Variants in HMCN1 observed in about 807,000 individuals in gnomAD.
HMCN1 encodes hemicentin 1, also known as hemicentin-1.
HMCN1 carries 321 observed loss-of-function variants against 625.9 expected under a neutral mutation model. The observed-to-expected ratio is 0.51, with a 90% CI of 0.47 to 0.56. The LOEUF (loss-of-function observed/expected upper bound fraction) is 0.56, where lower values mean the gene tolerates loss of function less well. Ranked by LOEUF, HMCN1 falls within the 20% of genes least tolerant of loss-of-function variation. The pLI is 0.00. For synonymous variants in HMCN1, 2,425 were observed against 2,417.6 expected, an observed-to-expected ratio of 1.00 and a Z score of -0.09; for missense variants, 6,588 against 6,887.3, an observed-to-expected ratio of 0.96 and a Z score of 1.54.
chr1:185,822,055 G>T (rs1219136070), intron 1 of HMCN1, among the ~76,000 whole-genome samples: 1 of 152,084 alleles, frequency 6.6e-6, no homozygotes, highest in African/African-American at 2.4e-5. Context: ...GCCAGGGTTT[G>T]AGAGGAATGA....
At chr1:186,146,768 T>TCAG (rs1216623249) in intron 93 of HMCN1, among the ~76,000 whole-genome samples, 2 of 152,060 alleles carry the variant, frequency 1.3e-5, no homozygotes, top group Non-Finnish European at 2.9e-5. Flanking sequence ...GGTGTCAGCT[T>TCAG]CAGTTGATGC....
intron 40 of HMCN1, among the ~76,000 whole-genome samples, chr1:186,044,552 CAAG>C: frequency 6.6e-6 from 1 of 152,250 alleles, no homozygotes; most frequent in African/African-American, 2.4e-5. Flanking sequence ...GGTGAAGTAT[CAAG>C]CCTGAAACAA....
intron 9 of HMCN1, among the ~76,000 whole-genome samples, chr1:185,925,504 A>G (rs1481546780): frequency 6.6e-6 from 1 of 152,224 alleles, no homozygotes; most frequent in African/African-American, 2.4e-5. Flanking sequence ...AATTATGAAA[A>G]TGATGTTAAG....
intron 1 of HMCN1, among the ~76,000 whole-genome samples, chr1:185,776,815 G>A (rs1656647025): frequency 6.6e-6 from 1 of 152,096 alleles, no homozygotes; most frequent in Non-Finnish European, 1.5e-5. Context: ...GTGTTTCTAT[G>A]ATCTCCTTCC....
At chr1:186,058,138 G>T (rs1158081670) in intron 46 of HMCN1, among the ~76,000 whole-genome samples, 2 of 152,058 alleles carry the variant, frequency 1.3e-5, no homozygotes, top group Admixed American at 1.3e-4. Flanking sequence ...CAAGATGAAG[G>T]TTAAGTAAGG....
At chr1:185,865,913 T>G in intron 4 of HMCN1, 50 bp downstream of exon 4, 1 of 1,593,282 alleles carries the variant, frequency 6.3e-7, no homozygotes. Context: ...CTTATCAAAA[T>G]CAGTTAGGCC....
chr1:186,186,315 TC>T (rs1260113475), intron 105 of HMCN1, among the ~76,000 whole-genome samples: 2 of 152,076 alleles, frequency 1.3e-5, no homozygotes, highest in African/African-American at 4.8e-5. Context: ...TCACCAAAGG[TC>T]AGGGGTTCAA....
At chr1:186,090,406 CA>C (rs1403715546) in intron 63 of HMCN1, among the ~76,000 whole-genome samples, 1 of 151,782 alleles carries the variant, frequency 6.6e-6, no homozygotes, top group South Asian at 2.1e-4. Flanking sequence ...AAGAAAAACA[CA>C]AAAAAATGCA....
Position 186,065,404 on chromosome 1 carries a change from C to G in HMCN1, c.7680C>G (p.Ser2560Arg), listed in dbSNP as rs756920217. Residue 2560 changes from serine to arginine, a missense_variant, in exon 49 of 107, where the codon AGC becomes AGG. Coordinates refer to ENST00000271588, the MANE Select transcript of HMCN1 (RefSeq NM_031935.3). ...CLASSPAGHK[S>R]RSFSLNVFVS... The stretch of plus-strand genomic sequence containing the variant: ...CTTCCAGTCCAGCTGGCCACAAGAG[C>G]AGGAGCTTCAGTCTTAATGTATTTG... 8.1e-6 allele frequency: 13 copies of G among 1,607,590 alleles called. No individual in the cohort carries two copies. In the Admixed American group the frequency reaches 8.3e-5, roughly 10 times the overall value.
chr1:185,982,508 T>G, intron 18 of HMCN1, 119 bp downstream of exon 18: 1 of 927,066 alleles, frequency 1.1e-6, no homozygotes, highest in Non-Finnish European at 1.7e-6. Context: ...TGGTGGGATC[T>G]AGGCTCACCG....
chr1:186,145,365 G>T, intron 91 of HMCN1, 38 bp from the exon 92 acceptor site: 1 of 1,515,210 alleles, frequency 6.6e-7, no homozygotes. Context: ...TCTCATTTTA[G>T]GGGCTCTGTT....
intron 42 of HMCN1, 130 bp downstream of exon 42, chr1:186,048,969 G>A (rs1012558162): frequency 1.5e-6 from 1 of 667,796 alleles, no homozygotes; most frequent in Non-Finnish European, 2.7e-6. Context: ...CATTTACATG[G>A]TGCTGAACTG....
chr1:186,066,267 T>C (rs185071893), intron 49 of HMCN1, among the ~76,000 whole-genome samples: 17 of 152,158 alleles, frequency 1.1e-4, no homozygotes, highest in Admixed American at 1.1e-3. Context: ...CAGTATCTGG[T>C]ATTATATATA....
At chr1:186,055,311 G>T in intron 44 of HMCN1, 82 bp from the exon 45 acceptor site, 2 of 1,231,694 alleles carry the variant, frequency 1.6e-6, no homozygotes, top group Non-Finnish European at 2.4e-6. Flanking sequence ...ATATATTTAA[G>T]TTTGGCTGAT....
chr1:186,159,326 C>T (rs1335386869), intron 97 of HMCN1, among the ~76,000 whole-genome samples: 4 of 152,210 alleles, frequency 2.6e-5, no homozygotes, highest in Admixed American at 6.5e-5. Context: ...TGGGCTGAGA[C>T]AATGGGGTTT....
intron 82 of HMCN1, among the ~76,000 whole-genome samples, chr1:186,127,478 G>C (rs551463458): frequency 2.2e-4 from 33 of 152,190 alleles, no homozygotes; most frequent in Admixed American, 1.0e-3. Flanking sequence ...AAAAAGGTTG[G>C]AGAAGCAGCA....
At chr1:185,904,937 T>C (rs564127125) in intron 4 of HMCN1, among the ~76,000 whole-genome samples, 1 of 151,818 alleles carries the variant, frequency 6.6e-6, no homozygotes, top group Non-Finnish European at 1.5e-5. Context: ...CTCTATCCAG[T>C]GTGACTGAGA....
chr1:186,175,218 A>G (rs1436655674), intron 103 of HMCN1, among the ~76,000 whole-genome samples: 1 of 152,248 alleles, frequency 6.6e-6, no homozygotes, highest in African/African-American at 2.4e-5. Context: ...TCTGTAAGAT[A>G]ACCACATACT....
Position 186,128,128 on chromosome 1 carries a change from A to G in HMCN1, c.12741A>G (p.Glu4247=). 1 of 1,613,678 alleles carries G rather than the reference A, an allele frequency of 6.2e-7. No homozygotes were observed. Among genetic ancestry groups the G allele is most frequent in the East Asian group, 2.2e-5 (1 of 44,856 alleles). ...GTGTTGCTAACAATGCTGCAGGTGA[A>G]GATACACACACTGTCAGCCTGACTG... is the stretch of plus-strand genomic sequence containing the variant. ...YTCVANNAAG[E]DTHTVSLTVH... The change falls in exon 83 of 107, where the codon GAA becomes GAG. Residue 4247 remains glutamate (E), a synonymous_variant. Transcript: ENST00000271588.
Sources: gnomAD v4.1 joint callset for allele counts (sites outside exome capture counted in the v4.1 genomes callset) on GRCh38, gnomAD v4.1.1 for gene constraint, MANE v1.5 for transcripts, NCBI Gene and HGNC (gene_info 2026-07-23, HGNC 2026-07-21) for gene names.